EPHA6: variants seen among roughly 807,000 people sequenced by gnomAD.
EPHA6 encodes the protein EPH receptor A6, also known as ephrin type-A receptor 6.
EPHA6 carries 50 observed loss-of-function variants against 112.0 expected under a neutral mutation model. That is an observed-to-expected ratio of 0.45 (90% CI 0.36 to 0.56). The LOEUF (loss-of-function observed/expected upper bound fraction) is 0.56, where lower values mean the gene tolerates loss of function less well. Ranked by LOEUF, EPHA6 falls within the 20% of genes least tolerant of loss-of-function variation. EPHA6 has a pLI of 0.00. For missense variants in EPHA6, 1,280 were observed against 1,417.4 expected, an observed-to-expected ratio of 0.90 and a Z score of 1.56; for synonymous variants, 529 against 490.7, an observed-to-expected ratio of 1.08 and a Z score of -1.03.
intron 12 of EPHA6, among the ~76,000 whole-genome samples, chr3:97,607,957 C>T (rs561739272): frequency 6.6e-6 from 1 of 150,888 alleles, no homozygotes; most frequent in Non-Finnish European, 1.5e-5. Context: ...TCATAGTTTC[C>T]CCTGTACTTA....
intron 14 of EPHA6, among the ~76,000 whole-genome samples, chr3:97,674,570 C>T (rs975192365): frequency 1.3e-5 from 2 of 152,016 alleles, no homozygotes; most frequent in Non-Finnish European, 2.9e-5. Flanking sequence ...GTGTTGTAGC[C>T]CTGTGACTTA....
intron 10 of EPHA6, among the ~76,000 whole-genome samples, chr3:97,511,036 C>T (rs1256230870): frequency 6.6e-6 from 1 of 152,032 alleles, no homozygotes; most frequent in African/African-American, 2.4e-5. Context: ...GAAGCCCCTC[C>T]CCCCCACCAA....
At chr3:97,435,087 T>G (rs1020368361) in intron 6 of EPHA6, among the ~76,000 whole-genome samples, 1 of 152,102 alleles carries the variant, frequency 6.6e-6, no homozygotes, top group African/African-American at 2.4e-5. Flanking sequence ...GCTCATCACT[T>G]CTACCCTACT....
At position 97,751,375 on chromosome 3, in the gene EPHA6, C is replaced by T. The variant is rs62264177; in HGVS notation, c.*2674C>T. On this transcript the variant is annotated 3_prime_UTR_variant, in exon 18 of 18. Transcript: ENST00000389672. ...ACTACTTTTTGCTTTGTCTCTCATC[C>T]CATGTCTCCTTCAAAATTCCTTTTA... is the stretch of plus-strand genomic sequence containing the variant. 0.22 allele frequency among the ~76,000 whole-genome samples: 33,019 copies of T among 151,836 alleles called. 4,110 individuals carry two copies. Among genetic ancestry groups the T allele is most frequent in the Middle Eastern group, 0.3 (89 of 294 alleles).
rs141696996 is a variant in EPHA6, at chr3:97,431,665, C to T, written c.1732-16903C>T. On this transcript the variant is annotated intron_variant, in intron 6 of 17. Coordinates refer to ENST00000389672, the MANE Select transcript of EPHA6 (RefSeq NM_001080448.3). ...ATTACAACTCCTGTTATCCACAACT[C>T]CTTGGTAATTTTCCTCCTATTTATT... Among the ~76,000 whole-genome samples the T allele has an allele frequency of 4.8e-3, 735 of 152,212 alleles. 7 individuals are homozygous for T. Among genetic ancestry groups the T allele is most frequent in the African/African-American group, 0.017 (706 of 41,550 alleles).
At chr3:97,538,896 T>C (rs1449392228) in intron 11 of EPHA6, among the ~76,000 whole-genome samples, 9 of 152,156 alleles carry the variant, frequency 5.9e-5, no homozygotes, top group African/African-American at 2.2e-4. Flanking sequence ...TTACTTAAAT[T>C]CCAAATGTTC....
chr3:97,009,648 G>A lies in EPHA6; in HGVS notation c.1114+21655G>A, dbSNP rs79419643. On this transcript the variant is annotated intron_variant, in intron 3 of 17. Transcript: ENST00000389672. ...GGTTGCCCCTCCCCCAAGGAGTTTC[G>A]TTGGCTTAAGCAGATTCCAGCTGAG... Among the ~76,000 whole-genome samples, 706 of 152,342 alleles carry A rather than the reference G, an allele frequency of 4.6e-3. 4 individuals carry two copies. Among genetic ancestry groups the A allele is most frequent in the Middle Eastern group, 0.017 (5 of 294 alleles).
At chr3:97,528,547 G>T (rs1052258030) in intron 10 of EPHA6, among the ~76,000 whole-genome samples, 18 of 152,082 alleles carry the variant, frequency 1.2e-4, no homozygotes, top group Non-Finnish European at 2.5e-4. Flanking sequence ...CACCCAAGAG[G>T]TGTGAGAAAA....
chr3:96,858,955 A>G (rs1043874461), intron 1 of EPHA6, among the ~76,000 whole-genome samples: 16 of 152,306 alleles, frequency 1.1e-4, no homozygotes, highest in Non-Finnish European at 2.4e-4. Flanking sequence ...TCAGAAGATC[A>G]TATGTAAATA....
chr3:97,258,818 C>G (rs1165222957), intron 5 of EPHA6, among the ~76,000 whole-genome samples: 1 of 152,084 alleles, frequency 6.6e-6, no homozygotes, highest in Non-Finnish European at 1.5e-5. Flanking sequence ...CATTAGATAA[C>G]ATGATGAGCA....
chr3:97,457,901 A>G (rs1472482389), intron 7 of EPHA6, among the ~76,000 whole-genome samples: 7 of 151,720 alleles, frequency 4.6e-5, no homozygotes, highest in Admixed American at 3.3e-4. Context: ...CCCCCTCTCT[A>G]CTAAAAATAC....
At chr3:97,124,488 A>T (rs1487034335) in intron 3 of EPHA6, among the ~76,000 whole-genome samples, 3 of 151,616 alleles carry the variant, frequency 2.0e-5, no homozygotes, top group Admixed American at 2.0e-4. Context: ...AAAGAAAGAA[A>T]GAAAGAAAGA....
At chr3:96,913,238 T>A (rs918778866) in intron 2 of EPHA6, among the ~76,000 whole-genome samples, 2 of 147,940 alleles carry the variant, frequency 1.4e-5, no homozygotes, top group African/African-American at 5.0e-5. Flanking sequence ...TGGTGACACA[T>A]ACCTGTAGTC....
intron 12 of EPHA6, among the ~76,000 whole-genome samples, chr3:97,605,371 T>C (rs1436649778): frequency 6.6e-6 from 1 of 151,652 alleles, no homozygotes; most frequent in East Asian, 1.9e-4. Flanking sequence ...TTCTAGGATT[T>C]TTATAGTTTG....
intron 2 of EPHA6, among the ~76,000 whole-genome samples, chr3:96,962,544 C>T (rs2041982729): frequency 6.8e-6 from 1 of 148,026 alleles, no homozygotes; most frequent in South Asian, 2.2e-4. Flanking sequence ...ATTCTGAGCC[C>T]ACTCCATCAA....
At chr3:97,069,387 G>C (rs997731690) in intron 3 of EPHA6, among the ~76,000 whole-genome samples, 8 of 152,276 alleles carry the variant, frequency 5.3e-5, no homozygotes, top group African/African-American at 1.9e-4. Flanking sequence ...TTCTGTCTCA[G>C]AGGTAACAGA....
chr3:97,351,869 C>T (rs2083831851), intron 5 of EPHA6, among the ~76,000 whole-genome samples: 1 of 151,944 alleles, frequency 6.6e-6, no homozygotes, highest in Non-Finnish European at 1.5e-5. Flanking sequence ...TATAGGATAG[C>T]TATTATATTA....
chr3:97,243,381 T>A (rs1185687073), intron 4 of EPHA6, among the ~76,000 whole-genome samples: 1 of 151,890 alleles, frequency 6.6e-6, no homozygotes, highest in East Asian at 1.9e-4. Context: ...TGCCTTCAAT[T>A]TTCATTTCGT....
chr3:97,499,574 A>G (rs1337728783), intron 10 of EPHA6, among the ~76,000 whole-genome samples: 1 of 152,200 alleles, frequency 6.6e-6, no homozygotes, highest in Non-Finnish European at 1.5e-5. Flanking sequence ...GGCAGCATCT[A>G]TTGTACGCTG....
Sources: gnomAD v4.1 joint callset for allele counts (sites outside exome capture counted in the v4.1 genomes callset) on GRCh38, gnomAD v4.1.1 for gene constraint, MANE v1.5 for transcripts, NCBI Gene and HGNC (gene_info 2026-07-23, HGNC 2026-07-21) for gene names.